ZNF624: variants seen among roughly 807,000 people sequenced by gnomAD.
The protein encoded by ZNF624 is zinc finger protein 624.
In ZNF624, 43 loss-of-function variants were observed where a neutral mutation model predicts 74.7. That is an observed-to-expected ratio of 0.58 (90% CI 0.45 to 0.74). The LOEUF (loss-of-function observed/expected upper bound fraction) is 0.74. Ranked by LOEUF, ZNF624 falls within the 30% of genes least tolerant of loss-of-function variation. The probability of loss-of-function intolerance (pLI) is 0.00; values close to 1 mark genes in which losing one functional copy is unlikely to be tolerated. For synonymous variants in ZNF624, 331 were observed against 341.3 expected (o/e 0.97, Z 0.33); for missense variants, 820 against 1,030.0 (o/e 0.80, Z 2.79).
chr17:16,635,435 A>G (rs1002927264), intron 3 of ZNF624, among the ~76,000 whole-genome samples: 1 of 152,048 alleles, frequency 6.6e-6, no homozygotes, highest in Non-Finnish European at 1.5e-5. Flanking sequence ...TGTTTTGTAG[A>G]CTTGACTTTT....
chr17:16,622,509 A>C lies in ZNF624; in HGVS notation c.2377T>G (p.Ser793Ala). 6.2e-7 allele frequency: 1 copy of C among 1,613,944 alleles called. No homozygotes were observed. The highest frequency in any genetic ancestry group is 8.5e-7 in the Non-Finnish European group (1 of 1,179,886). Residue 793 changes from serine to alanine, a missense_variant, in exon 6 of 6, where the codon TCA becomes GCA. By Grantham distance (99) the Ser-to-Ala change is moderately conservative. Coordinates refer to ENST00000311331, the MANE Select transcript of ZNF624 (RefSeq NM_020787.4). ...KECGKGCITL[S>A]QLTLHQRIHT... Reference sequence around the variant, plus strand: ...ATTCTCTGATGTAGGGTTAGCTGTGATAGAGTAATACAACCCTTTCCACAT... The same window carrying C: ...ATTCTCTGATGTAGGGTTAGCTGTGCTAGAGTAATACAACCCTTTCCACAT...
Position 16,623,942 on chromosome 17 carries a change from T to A in ZNF624, c.944A>T (p.Gln315Leu). 1 of 1,613,968 alleles carries A rather than the reference T, an allele frequency of 6.2e-7. No individual in the cohort carries two copies. ...ECNECGKTFSQPSYLSQHKKI... is the reference protein window; with the variant it reads ...ECNECGKTFSLPSYLSQHKKI... ...TTTGTGCTGACTGAGATATGAAGGC[T>A]GGCTGAATGTTTTCCCACATTCATT... Residue 315 changes from glutamine (Q) to leucine (L), a missense_variant, in exon 6 of 6, where the codon CAG becomes CTG. Gln to Leu is a moderately radical substitution (Grantham distance 113). Coordinates refer to ENST00000311331, the MANE Select transcript of ZNF624 (RefSeq NM_020787.4). The surrounding 1 kb of genome is among the most constrained non-coding windows in gnomAD (Gnocchi z 5.3).
downstream of ZNF624, among the ~76,000 whole-genome samples, chr17:16,618,426 C>T (rs925659535): frequency 5.9e-5 from 9 of 152,148 alleles, no homozygotes; most frequent in African/African-American, 9.7e-5. Context: ...TATAACTTCA[C>T]TTTTCCAGAA....
rs773368866 is a variant in ZNF624, at chr17:16,622,993, C to A, written c.1893G>T (p.Gln631His). Residue 631 changes from glutamine to histidine, a missense_variant, in exon 6 of 6, where the codon CAG (glutamine) becomes CAT (histidine). Physicochemically the swap from Gln to His is conservative, Grantham distance 24 (BLOSUM62 0). Transcript: ENST00000311331. ...AGGGTTTCACTCCAGTATGAATTTTCTGATGCTCCTTGAGATTTACCATTT... is the reference window on the plus strand; with the variant it reads ...AGGGTTTCACTCCAGTATGAATTTTATGATGCTCCTTGAGATTTACCATTT... ...FTKMVNLKEH[Q>H]KIHTGVKPYK... The A allele has an allele frequency of 1.9e-6, 3 of 1,613,902 alleles. No homozygotes were observed. Among genetic ancestry groups the A allele is most frequent in the South Asian group, 1.1e-5 (1 of 91,046 alleles).
At chr17:16,629,147 G>A (rs1006133089) in intron 5 of ZNF624, among the ~76,000 whole-genome samples, 29 of 141,342 alleles carry the variant, frequency 2.1e-4, no homozygotes, top group Admixed American at 2.2e-4. Context: ...GCAGTGAGCC[G>A]AGATCACGTC....
intron 5 of ZNF624, among the ~76,000 whole-genome samples, chr17:16,628,486 C>T (rs1348584020): frequency 6.6e-6 from 1 of 151,938 alleles, no homozygotes; most frequent in Non-Finnish European, 1.5e-5. Context: ...AATTCTAGAA[C>T]TGAAAAATAA....
rs1908896780 is a variant in ZNF624, at chr17:16,620,996, TCTC to T, written c.*1289_*1291del. 1 of 152,112 alleles carries T rather than the reference TCTC, an allele frequency of 6.6e-6. No homozygotes were observed. The highest frequency in any genetic ancestry group is 1.5e-5 in the Non-Finnish European group (1 of 68,024). 9.4% of individuals were successfully genotyped at this position (152,112 alleles called of 1,614,324 possible). A position where few individuals can be genotyped will look rare whatever the true frequency, so the allele number is the denominator to read the frequency against. On this transcript the variant is annotated 3_prime_UTR_variant, in exon 6 of 6. Coordinates refer to ENST00000311331, the MANE Select transcript of ZNF624 (RefSeq NM_020787.4). ...AGTCTCCCCTTCCCTTATCTCTACT[TCTC>T]CTTTTCTCACTCCCCTCAAGGTAAT...
At chr17:16,617,852 G>T, downstream of ZNF624, 1 of 1,610,634 alleles carries the variant, frequency 6.2e-7, no homozygotes, top group Non-Finnish European at 8.5e-7. Context: ...GGACGTTGTA[G>T]CTTAGGCGTC....
At chr17:16,648,719 T>C (rs1365479052) in intron 2 of ZNF624, among the ~76,000 whole-genome samples, 3 of 152,098 alleles carry the variant, frequency 2.0e-5, no homozygotes, top group African/African-American at 7.2e-5. Context: ...AAACACAGCT[T>C]TTATCACATT....
At chr17:16,619,825 T>C (rs566748705), downstream of ZNF624, among the ~76,000 whole-genome samples, 2 of 152,322 alleles carry the variant, frequency 1.3e-5, no homozygotes, top group Admixed American at 6.5e-5. Context: ...AGGGAGGGTT[T>C]AGATGTAGTG....
intron 2 of ZNF624, among the ~76,000 whole-genome samples, chr17:16,649,436 A>G (rs182504985): frequency 2.0e-5 from 3 of 152,350 alleles, no homozygotes; most frequent in Admixed American, 1.3e-4. Flanking sequence ...ACGACAGCTC[A>G]GATATTTTTT....
intron 3 of ZNF624, among the ~76,000 whole-genome samples, chr17:16,646,254 CTA>C (rs1909591108): frequency 6.6e-6 from 1 of 152,088 alleles, no homozygotes; most frequent in South Asian, 2.1e-4. Flanking sequence ...AAGTCTAAAA[CTA>C]TGAATATTTC....
chr17:16,625,508 T>C (rs1391706295), intron 5 of ZNF624, among the ~76,000 whole-genome samples: 1 of 152,172 alleles, frequency 6.6e-6, no homozygotes, highest in Non-Finnish European at 1.5e-5. Context: ...TCATTTTTGA[T>C]TGACTAGCTT....
At chr17:16,653,157 C>A (rs1180458337) in intron 1 of ZNF624, among the ~76,000 whole-genome samples, 1 of 152,186 alleles carries the variant, frequency 6.6e-6, no homozygotes, top group Non-Finnish European at 1.5e-5. Flanking sequence ...CCAACCAATG[C>A]AATAATACCA....
At chr17:16,643,233 T>C (rs1909507127) in intron 3 of ZNF624, among the ~76,000 whole-genome samples, 1 of 152,230 alleles carries the variant, frequency 6.6e-6, no homozygotes, top group Non-Finnish European at 1.5e-5. Flanking sequence ...ACAAATGTAT[T>C]AGCATCATTA....
Position 16,622,996 on chromosome 17 carries a change from A to G in ZNF624, c.1890T>C (p.His630=). 1 of 1,613,922 alleles carries G rather than the reference A, an allele frequency of 6.2e-7. No individual in the cohort carries two copies. ...GTTTCACTCCAGTATGAATTTTCTG[A>G]TGCTCCTTGAGATTTACCATTTTGG... ...AFTKMVNLKE[H]QKIHTGVKPY... The change falls in exon 6 of 6, where the codon CAT becomes CAC. Residue 630 remains histidine, a synonymous_variant. Transcript: ENST00000311331.
chr17:16,648,903 C>A (rs1446529961), intron 2 of ZNF624, among the ~76,000 whole-genome samples: 3 of 152,140 alleles, frequency 2.0e-5, no homozygotes, highest in African/African-American at 7.2e-5. Flanking sequence ...GCCCTTAAAC[C>A]CGTTTCTCAC....
rs572664043 is a variant in ZNF624, at chr17:16,641,268, T to C, written c.153+6061A>G. On this transcript the variant is annotated intron_variant, in intron 3 of 5. Transcript: ENST00000311331. Reference sequence around the variant, plus strand: ...AACAATGTCCCTTCTCACTTTTCTTTTTCTTTCTTTCTCTCTCTCTCTCTT... The same window carrying C: ...AACAATGTCCCTTCTCACTTTTCTTCTTCTTTCTTTCTCTCTCTCTCTCTT... Among the ~76,000 whole-genome samples the C allele has an allele frequency of 3.3e-5, 5 of 151,990 alleles. No homozygotes were observed. The East Asian group carries it at 7.7e-4, about 23-fold the overall frequency.
chr17:16,623,768 GCACACTGGCTAAAAGATTTCCCA>G lies in ZNF624; in HGVS notation c.1095_1117del (p.Gly366ProfsTer3). 1 of 1,614,006 alleles carries G rather than the reference GCACACTGGCTAAAAGATTTCCCA, an allele frequency of 6.2e-7. No individual in the cohort carries two copies. Among genetic ancestry groups the G allele is most frequent in the Non-Finnish European group, 8.5e-7 (1 of 1,180,004 alleles). ...AATTCTCTGGTGCTGATTAAGACGG[GCACACTGGCTAAAAGATTTCCCA>G]CACACATTACACTGATAAGGTTTCT... On this transcript the variant is annotated frameshift_variant, in exon 6 of 6. Transcript: ENST00000311331. LOFTEE classifies it high-confidence loss of function. This position sits in a 1 kb window ranked among gnomAD's most constrained non-coding sequence, Gnocchi z 5.3.
Sources: allele counts gnomAD v4.1 joint callset (sites outside exome capture counted in the v4.1 genomes callset), GRCh38; gene constraint gnomAD v4.1.1; non-coding constraint Gnocchi (gnomAD v3.1); transcripts MANE v1.5; gene names NCBI Gene and HGNC (gene_info 2026-07-23, HGNC 2026-07-21).